The following ARSG variants were observed in gnomAD, a reference collection of about 807,000 sequenced individuals.
ARSG encodes ASG.
Under a neutral mutation model 50.5 loss-of-function variants are expected in ARSG, and 37 were observed. The ratio of observed to expected loss-of-function variants is 0.73; its 90% confidence interval spans 0.56 to 0.96. The LOEUF (loss-of-function observed/expected upper bound fraction) is 0.96. Among genes scored for constraint, ARSG ranks in the 50% least tolerant of loss-of-function variants. The pLI, the probability that ARSG is intolerant of heterozygous loss-of-function variation, is 0.00. For synonymous variants in ARSG, 225 were observed against 254.6 expected (o/e 0.88, Z 1.11); for missense variants, 629 against 675.3 (o/e 0.93, Z 0.76).
At chr17:68,400,603 G>A (rs1245800817) in intron 10 of ARSG, 2 of 152,262 alleles carry the variant, frequency 1.3e-5, no homozygotes, top group African/African-American at 4.8e-5. Flanking sequence ...CTGAGGGGTT[G>A]GAACTCAGGC....
In ARSG at chr17:68,351,710, G is replaced by A. The variant is rs113441985; in HGVS notation, c.566+24G>A. ...AGGTAATGCTGTCTGACACATTTGC[G>A]ATAGGCTCCAGGACAAGGCAAAGTT... is the stretch of plus-strand genomic sequence containing the variant. On this transcript the variant is annotated intron_variant, in intron 5 of 11. Transcript: ENST00000621439. 1,453 of 1,502,274 alleles carry A rather than the reference G, an allele frequency of 9.7e-4. 19 individuals carry two copies. The African/African-American group carries it at 0.017, about 18-fold the overall frequency. The allele number at this position is 1,502,274 out of a possible 1,614,324, so 93.1% of individuals were successfully genotyped here.
intron 11 of ARSG, among the ~76,000 whole-genome samples, chr17:68,410,603 G>T (rs1357791147): frequency 1.3e-5 from 2 of 152,126 alleles, no homozygotes; most frequent in African/African-American, 4.8e-5. Flanking sequence ...TTGTGTCTCT[G>T]CCTGGCTTTG....
At chr17:68,308,631 C>T (rs1256762200) in intron 2 of ARSG, among the ~76,000 whole-genome samples, 1 of 152,208 alleles carries the variant, frequency 6.6e-6, no homozygotes, top group African/African-American at 2.4e-5. Context: ...GAGCGGGTTG[C>T]CACTGCTGGC....
At chr17:68,424,348 C>CA (rs1807073136), downstream of ARSG, 1 of 490,524 alleles carries the variant, frequency 2.0e-6, no homozygotes, top group Non-Finnish European at 4.2e-6. Context: ...GCCCTGCATG[C>CA]AGGGCCCCAC....
intron 1 of ARSG, among the ~76,000 whole-genome samples, chr17:68,294,061 C>T (rs1402083859): frequency 3.9e-5 from 6 of 152,086 alleles, no homozygotes; most frequent in African/African-American, 1.4e-4. Context: ...ACAAAAGAAC[C>T]TTTGGAGTCT....
chr17:68,339,047 TAA>T (rs2078151742), intron 2 of ARSG, among the ~76,000 whole-genome samples: 1 of 152,226 alleles, frequency 6.6e-6, no homozygotes, highest in Admixed American at 6.5e-5. Flanking sequence ...GGCCCCTGCC[TAA>T]GAGATTCTCT....
At chr17:68,395,342 C>G in intron 10 of ARSG, 149 bp downstream of exon 10, 7 of 1,233,742 alleles carry the variant, frequency 5.7e-6, no homozygotes, top group Non-Finnish European at 7.7e-6. Context: ...AATCCCAGCA[C>G]TTTAGGAGAC....
intron 8 of ARSG, among the ~76,000 whole-genome samples, chr17:68,382,039 C>T (rs567256593): frequency 6.6e-6 from 1 of 152,052 alleles, no homozygotes; most frequent in Admixed American, 6.6e-5. Flanking sequence ...CAACCTCCGC[C>T]TCCCGGGTTC....
At position 68,420,605 on chromosome 17, in the gene ARSG, C is replaced by T; in HGVS notation, c.*142C>T. On this transcript the variant is annotated 3_prime_UTR_variant, in exon 12 of 12. Transcript: ENST00000621439. ...TTGGAGTTAGCCTTGCATATCCCTT[C>T]TGTATCCTGTCCCTCCTCCACGCCG... 2.0e-6 allele frequency: 2 copies of T among 983,292 alleles called. No homozygotes were observed. Among genetic ancestry groups the T allele is most frequent in the East Asian group, 2.4e-5 (1 of 41,084 alleles). The allele number at this position is 983,292 out of a possible 1,614,324, so 60.9% of individuals were successfully genotyped here.
rs2079609980 is a variant in ARSG, at chr17:68,367,647, A to G, written c.705-901A>G. Among the ~76,000 whole-genome samples the G allele has an allele frequency of 6.6e-6, 1 of 152,192 alleles. No homozygotes were observed. The highest frequency in any genetic ancestry group is 2.4e-5 in the African/African-American group (1 of 41,448). ...CTTTCATTCTGCACTTTCCAGGGAA[A>G]TCAGGATGAGTACAGAGGCAGCCGA... On this transcript the variant is annotated intron_variant, in intron 6 of 11. Coordinates refer to ENST00000621439, the MANE Select transcript of ARSG (RefSeq NM_001267727.2). This position sits in a 1 kb window ranked among gnomAD's most constrained non-coding sequence, Gnocchi z 4.5.
chr17:68,293,902 C>T (rs2076112374), intron 1 of ARSG, among the ~76,000 whole-genome samples: 1 of 152,204 alleles, frequency 6.6e-6, no homozygotes, highest in Admixed American at 6.5e-5. Context: ...TAGTTAGAGG[C>T]TGGCTTCACC....
At chr17:68,371,432 C>T (rs565112070) in intron 8 of ARSG, among the ~76,000 whole-genome samples, 73 of 152,040 alleles carry the variant, frequency 4.8e-4, no homozygotes, top group African/African-American at 1.5e-3. Context: ...AGTTGGTGCT[C>T]GCCCTGTTGT....
intron 2 of ARSG, 138 bp downstream of exon 2, chr17:68,307,849 T>G: frequency 9.8e-6 from 6 of 611,836 alleles, no homozygotes; most frequent in Non-Finnish European, 1.4e-5. Flanking sequence ...TTAATTTGGT[T>G]TGAAGCCAGC....
chr17:68,285,588 T>C (rs2075822968), intron 1 of ARSG: 1 of 152,252 alleles, frequency 6.6e-6, no homozygotes, highest in South Asian at 2.1e-4. Context: ...GAGAACTGCT[T>C]GAACCCAGGA....
chr17:68,274,277 G>A, intron 1 of ARSG: 1 of 440,014 alleles, frequency 2.3e-6, no homozygotes, highest in Non-Finnish European at 4.1e-6. Flanking sequence ...ACTAGCCCGG[G>A]CAACATGGTG....
At chr17:68,387,078 ATCACAC>A (rs1289649038) in intron 9 of ARSG, among the ~76,000 whole-genome samples, 4 of 70,088 alleles carry the variant, frequency 5.7e-5, no homozygotes, top group Admixed American at 1.9e-4. Flanking sequence ...TATATAGTGT[ATCACAC>A]ACACACACAC....
At chr17:68,311,800 CTTTTTT>C (rs36097952) in intron 2 of ARSG, among the ~76,000 whole-genome samples, 3 of 116,388 alleles carry the variant, frequency 2.6e-5, no homozygotes, top group African/African-American at 6.5e-5. Context: ...CTGTACTGTA[CTTTTTT>C]TTTTTTTTTT....
At chr17:68,295,512 C>T (rs2076171052) in intron 1 of ARSG, among the ~76,000 whole-genome samples, 1 of 151,542 alleles carries the variant, frequency 6.6e-6, no homozygotes, top group Non-Finnish European at 1.5e-5. Context: ...CGGGAGGCTT[C>T]TATAAATTAT....
rs939449051 is a variant in ARSG at position 68,408,573 on chromosome 17, T to C, written c.1303+7123T>C. Among the ~76,000 whole-genome samples, 814 of 152,172 alleles carry C rather than the reference T, an allele frequency of 5.3e-3. 9 individuals are homozygous for C. The highest frequency in any genetic ancestry group is 0.018 in the African/African-American group (757 of 41,502). ...AAGTCTTTGCTATTGTGAATAATGC[T>C]GCAATAAACATACGTGTGCATGTGT... On this transcript the variant is annotated intron_variant, in intron 11 of 11. Coordinates refer to ENST00000621439, the MANE Select transcript of ARSG (RefSeq NM_001267727.2).
Sources: allele counts gnomAD v4.1 joint callset (sites outside exome capture counted in the v4.1 genomes callset), GRCh38; gene constraint gnomAD v4.1.1; non-coding constraint Gnocchi (gnomAD v3.1); transcripts MANE v1.5; gene names NCBI Gene and HGNC (gene_info 2026-07-23, HGNC 2026-07-21).